The following BCAM variants were observed in gnomAD, a reference collection of about 807,000 sequenced individuals.
BCAM encodes the protein basal cell adhesion molecule (Lutheran blood group), also known as basal cell adhesion molecule.
Under a neutral mutation model 72.4 loss-of-function variants are expected in BCAM, and 61 were observed. That is an observed-to-expected ratio of 0.84 (90% CI 0.69 to 1.04). BCAM has a LOEUF of 1.04. Among genes scored for constraint, BCAM ranks in the 50% least tolerant of loss-of-function variants. BCAM has a pLI of 0.00. For synonymous variants in BCAM, 408 were observed against 384.2 expected, an observed-to-expected ratio of 1.06 and a Z score of -0.73; for missense variants, 909 against 895.0, an observed-to-expected ratio of 1.02 and a Z score of -0.20.
rs765186154 is a variant in BCAM at position 44,813,510 on chromosome 19, G to A, written c.674G>A (p.Arg225Gln). The A allele has an allele frequency of 8.1e-6, 13 of 1,612,516 alleles. No individual in the cohort carries two copies. The highest frequency in any genetic ancestry group is 1.6e-4 in the Middle Eastern group (1 of 6,084). The stretch of plus-strand genomic sequence containing the variant: ...TCCCTCACCAGCACCCTCTACCTGC[G>A]GCTCCGCAAGGATGACCGAGACGCC... Reference protein sequence around the residue: ...LLSLTSTLYLRLRKDDRDASF... With the variant: ...LLSLTSTLYLQLRKDDRDASF... The change falls in exon 6 of 15, where the codon CGG becomes CAG. Residue 225 changes from arginine to glutamine, a missense_variant. Arg to Gln is a conservative substitution (Grantham distance 43). Transcript: ENST00000270233. The surrounding 1 kb of genome is among the most constrained non-coding windows in gnomAD (Gnocchi z 4.2).
intron 13 of BCAM, chr19:44,820,449 C>A: frequency 8.1e-7 from 1 of 1,240,832 alleles, no homozygotes; most frequent in Non-Finnish European, 1.0e-6. Flanking sequence ...CGTAACCATC[C>A]CAGACCGATC....
In BCAM at chr19:44,818,694, A is replaced by G. The variant is rs1294232772; in HGVS notation, c.1195-47A>G. On this transcript the variant is annotated intron_variant, in intron 9 of 14. Coordinates refer to ENST00000270233, the MANE Select transcript of BCAM (RefSeq NM_005581.5). This position sits in a 1 kb window ranked among gnomAD's most constrained non-coding sequence, Gnocchi z 4.6. ...CACTCGCACCCTCCTCTCTCCCCTC[A>G]CTCCTCGCCCTCTCACAGCGTCCTC... The G allele has an allele frequency of 1.2e-6, 2 of 1,610,790 alleles. No individual in the cohort carries two copies. The highest frequency in any genetic ancestry group is 2.7e-5 in the African/African-American group (2 of 74,578).
chr19:44,809,777 C>T (rs572167557), intron 1 of BCAM, among the ~76,000 whole-genome samples: 1 of 148,210 alleles, frequency 6.7e-6, no homozygotes, highest in Admixed American at 7.0e-5. Context: ...GACAGTGGAA[C>T]AAAGTGTTTC....
rs542466237 is a variant in BCAM at position 44,815,846 on chromosome 19, A to AC, written c.1078+1087dup. 2.6e-3 allele frequency among the ~76,000 whole-genome samples: 397 copies of AC among 151,996 alleles called. 1 individual carries two copies. The highest frequency in any genetic ancestry group is 4.6e-3 in the Non-Finnish European group (314 of 67,958). Reference sequence around the variant, plus strand: ...AGAGGGAGACCCCATTTGCACACACACACACACAAATTAAAAATTAGCCAG... The same window carrying AC: ...AGAGGGAGACCCCATTTGCACACACACCACACACAAATTAAAAATTAGCCAG... On this transcript the variant is annotated intron_variant, in intron 8 of 14. Transcript: ENST00000270233.
intron 1 of BCAM, 45 bp downstream of exon 1, chr19:44,809,251 T>TG: frequency 1.5e-6 from 2 of 1,358,238 alleles, no homozygotes; most frequent in Non-Finnish European, 1.9e-6. Flanking sequence ...GAGAGGCCCC[T>TG]GGGGACCCCG....
At chr19:44,815,111 T>C (rs893154221) in intron 8 of BCAM, among the ~76,000 whole-genome samples, 9 of 151,946 alleles carry the variant, frequency 5.9e-5, no homozygotes, top group Non-Finnish European at 1.2e-4. Context: ...CCCAGTACCC[T>C]TGGGAGAAGC....
rs1599883454 is a variant in BCAM, at chr19:44,811,543, T to C, written c.204+197T>C. On this transcript the variant is annotated intron_variant, in intron 2 of 14. Coordinates refer to ENST00000270233, the MANE Select transcript of BCAM (RefSeq NM_005581.5). ...GGCACAGCCAAGTCTAGAATGACAT[T>C]GACCTGCTCTGGACTGCGGGCTCTT... 3.7e-6 allele frequency: 3 copies of C among 805,262 alleles called. No homozygotes were observed. In the East Asian group the frequency reaches 8.8e-5, roughly 24 times the overall value. The allele number at this position is 805,262 out of a possible 1,614,324, so 49.9% of individuals were successfully genotyped here.
At position 44,812,094 on chromosome 19, in the gene BCAM, G is replaced by C; in HGVS notation, c.205-69G>C. The C allele has an allele frequency of 6.3e-6, 9 of 1,439,204 alleles. No homozygotes were observed. In the South Asian group the frequency reaches 1.1e-4, roughly 18 times the overall value. 89.2% of individuals were successfully genotyped at this position (1,439,204 alleles called of 1,614,324 possible). On this transcript the variant is annotated intron_variant, in intron 2 of 14. Transcript: ENST00000270233. The surrounding 1 kb of genome is among the most constrained non-coding windows in gnomAD (Gnocchi z 5.3). ...CAGAGCCAGGAGCTGCAGAGAGAAA[G>C]GACCCAGAGAGAGAGAGACTGAGGA... is the stretch of plus-strand genomic sequence containing the variant.
At position 44,818,484 on chromosome 19, in the gene BCAM, G is replaced by A; in HGVS notation, c.1079-38G>A. On this transcript the variant is annotated intron_variant, in intron 8 of 14. Transcript: ENST00000270233. This position sits in a 1 kb window ranked among gnomAD's most constrained non-coding sequence, Gnocchi z 4.6. ...TGGAGAGCCCCTAATTGAGTGGGTG[G>A]CGGTCTGGGACGAGTGACAGACTGT... 1 of 1,578,318 alleles carries A rather than the reference G, an allele frequency of 6.3e-7. No individual in the cohort carries two copies. Among genetic ancestry groups the A allele is most frequent in the Admixed American group, 1.7e-5 (1 of 59,032 alleles).
At position 44,814,560 on chromosome 19, in the gene BCAM, C is replaced by A. The variant is rs1393384250; in HGVS notation, c.922-44C>A. 1.3e-6 allele frequency: 2 copies of A among 1,595,452 alleles called. No individual in the cohort carries two copies. Among genetic ancestry groups the A allele is most frequent in the African/African-American group, 2.7e-5 (2 of 74,656 alleles). On this transcript the variant is annotated intron_variant, in intron 7 of 14. Transcript: ENST00000270233. This position sits in a 1 kb window ranked among gnomAD's most constrained non-coding sequence, Gnocchi z 4.6. ...TCTGACCTAGCATGAGCCCGCTGAA[C>A]CGGGGTGGCTTCTGAGCCTGGTTCC... is the stretch of plus-strand genomic sequence containing the variant.
Position 44,819,958 on chromosome 19 carries a change from C to T in BCAM, c.1763+232C>T, listed in dbSNP as rs567597901. 1.0e-4 allele frequency: 132 copies of T among 1,318,478 alleles called. 1 individual carries two copies. The African/African-American group carries it at 2.4e-3, about 23-fold the overall frequency. The allele number at this position is 1,318,478 out of a possible 1,614,324, so 81.7% of individuals were successfully genotyped here. A position where few individuals can be genotyped will look rare whatever the true frequency, so the allele number is the denominator to read the frequency against. On this transcript the variant is annotated intron_variant, in intron 13 of 14. Transcript: ENST00000270233. ...TCCCCAACTGCAGCCCCAAACCCAA[C>T]CCAGGGCCATCCCCAAACCCATCCC...
rs771004834 is a variant in BCAM, at chr19:44,813,316, C to T, written c.571C>T (p.Arg191Cys). Residue 191 changes from arginine (R) to cysteine (C), a missense_variant, in exon 5 of 15, where the codon CGC (arginine) becomes TGC (cysteine). By Grantham distance (180) the Arg-to-Cys change is radical (BLOSUM62 -3). Transcript: ENST00000270233. The surrounding 1 kb of genome is among the most constrained non-coding windows in gnomAD (Gnocchi z 4.2). ...PKITWYRNGQ[R>C]LEVPVEMNPE... Reference sequence around the variant, plus strand: ...GATCACGTGGTATCGCAACGGGCAGCGCCTGGAGGTGCCCGTAGAGATGAA... The same window carrying T: ...GATCACGTGGTATCGCAACGGGCAGTGCCTGGAGGTGCCCGTAGAGATGAA... 86 of 1,613,912 alleles carry T rather than the reference C, an allele frequency of 5.3e-5. 2 individuals carry two copies. In the East Asian group the frequency reaches 1.7e-3, roughly 32 times the overall value.
intron 13 of BCAM, 190 bp from the exon 14 acceptor site, chr19:44,820,515 C>T: frequency 1.3e-5 from 17 of 1,270,134 alleles, no homozygotes; most frequent in Non-Finnish European, 1.6e-5. Context: ...TCTGCATCCC[C>T]ATGCCCAACC....
At position 44,818,690 on chromosome 19, in the gene BCAM, C is replaced by G; in HGVS notation, c.1195-51C>G. On this transcript the variant is annotated intron_variant, in intron 9 of 14. Transcript: ENST00000270233. The surrounding 1 kb of genome is among the most constrained non-coding windows in gnomAD (Gnocchi z 4.6). ...CCTGCACTCGCACCCTCCTCTCTCCCCTCACTCCTCGCCCTCTCACAGCGT... is the reference window on the plus strand; with the variant it reads ...CCTGCACTCGCACCCTCCTCTCTCCGCTCACTCCTCGCCCTCTCACAGCGT... The G allele has an allele frequency of 1.9e-6, 3 of 1,612,186 alleles. No individual in the cohort carries two copies. Among genetic ancestry groups the G allele is most frequent in the Non-Finnish European group, 2.5e-6 (3 of 1,178,568 alleles).
rs1187307786 is a variant in BCAM at position 44,818,784 on chromosome 19, C to G, written c.1238C>G (p.Ser413Cys). ...GATGGCCCCATGCTGTCGCTCAGTT[C>G]TATCACCTTCGATTCCAATGGCACC... ...LGDGPMLSLS[S>C]ITFDSNGTYV... is the part of the protein sequence containing the mutation. The change falls in exon 10 of 15, where the codon TCT becomes TGT. Residue 413 changes from serine to cysteine, a missense_variant. Coordinates refer to ENST00000270233, the MANE Select transcript of BCAM (RefSeq NM_005581.5). This position sits in a 1 kb window ranked among gnomAD's most constrained non-coding sequence, Gnocchi z 4.6. The G allele has an allele frequency of 6.2e-7, 1 of 1,614,148 alleles. No homozygotes were observed. The highest frequency in any genetic ancestry group is 8.5e-7 in the Non-Finnish European group (1 of 1,180,016).
At chr19:44,815,346 G>A (rs1368806157) in intron 8 of BCAM, among the ~76,000 whole-genome samples, 2 of 152,206 alleles carry the variant, frequency 1.3e-5, no homozygotes, top group Non-Finnish European at 2.9e-5. Flanking sequence ...GGGAAAGGCT[G>A]TATTCTCCCT....
intron 2 of BCAM, chr19:44,811,693 T>C (rs1367269455): frequency 9.8e-6 from 3 of 304,816 alleles, no homozygotes; most frequent in Non-Finnish European, 1.9e-5. Context: ...AAGACTGTCC[T>C]GACCAACATG....
At chr19:44,811,466 G>C in intron 2 of BCAM, 120 bp downstream of exon 2, 1 of 1,514,070 alleles carries the variant, frequency 6.6e-7, no homozygotes, top group Non-Finnish European at 9.0e-7. Context: ...GTTACAGATG[G>C]GGTCACTGAG....
At chr19:44,817,313 C>T (rs986404133) in intron 8 of BCAM, among the ~76,000 whole-genome samples, 3 of 152,204 alleles carry the variant, frequency 2.0e-5, no homozygotes, top group Non-Finnish European at 2.9e-5. Flanking sequence ...TGCAAAGGCC[C>T]TGAGGCAGGC....
Sources: gnomAD v4.1 joint callset for allele counts (sites outside exome capture counted in the v4.1 genomes callset) on GRCh38, gnomAD v4.1.1 for gene constraint, Gnocchi (gnomAD v3.1) non-coding constraint, MANE v1.5 for transcripts, NCBI Gene and HGNC (gene_info 2026-07-23, HGNC 2026-07-21) for gene names.